The following CAMSAP1 variants were observed in gnomAD, a reference collection of about 807,000 sequenced individuals.
CAMSAP1 encodes calmodulin-regulated spectrin-associated protein 1.
In CAMSAP1, 58 loss-of-function variants were observed where a neutral mutation model predicts 143.5. The ratio of observed to expected loss-of-function variants is 0.40; its 90% CI spans 0.33 to 0.50. The LOEUF is 0.50. CAMSAP1 is among the 20% of genes least tolerant of loss of function. CAMSAP1 has a pLI of 0.45. For missense variants in CAMSAP1, 1,969 were observed against 2,115.7 expected, an observed-to-expected ratio of 0.93 and a Z score of 1.36; for synonymous variants, 945 against 859.3, an observed-to-expected ratio of 1.10 and a Z score of -1.74.
chr9:135,824,910 C>T lies in CAMSAP1; in HGVS notation c.1224-30G>A. ...ATGGAAAAAGAATTACAGGGAAAAT[C>T]ATTCCTTTATCAAACTTCAAGGTCA... On this transcript the variant is annotated intron_variant, in intron 8 of 16. Transcript: ENST00000389532. This position sits in a 1 kb window ranked among gnomAD's most constrained non-coding sequence, Gnocchi z 4.1. The T allele has an allele frequency of 6.5e-7, 1 of 1,527,440 alleles. No individual in the cohort carries two copies. The highest frequency in any genetic ancestry group is 8.9e-7 in the Non-Finnish European group (1 of 1,123,878). 94.6% of individuals were successfully genotyped at this position (1,527,440 alleles called of 1,614,324 possible). A position where few individuals can be genotyped will look rare whatever the true frequency, so the allele number is the denominator to read the frequency against.
rs535765126 is a variant in CAMSAP1 at position 135,818,208 on chromosome 9, C to T, written c.4169-129G>A. On this transcript the variant is annotated intron_variant, in intron 13 of 16. Transcript: ENST00000389532. This position sits in a 1 kb window ranked among gnomAD's most constrained non-coding sequence, Gnocchi z 7.7. ...CACAGGCCGCGTCCCCACCCCATCC[C>T]GGGGAGCCGGGCTGCGCCTGGATGT... The T allele has an allele frequency of 2.1e-5, 24 of 1,165,700 alleles. No homozygotes were observed. The African/African-American group carries it at 3.4e-4, about 16-fold the overall frequency. 72.2% of individuals were successfully genotyped at this position (1,165,700 alleles called of 1,614,324 possible).
Position 135,850,378 on chromosome 9 carries a change from T to G in CAMSAP1, c.892A>C (p.Asn298His). The part of the protein sequence containing the change: ...LLREFSNEYL[N>H]KCFYLTLEDM... The stretch of plus-strand genomic sequence containing the variant: ...TCCAAGGTGAGATAAAAACATTTAT[T>G]AAGATATTCATTGGAGAATTCTCTC... Residue 298 changes from asparagine (N) to histidine (H), a missense_variant, in exon 6 of 17, where the codon AAT (asparagine) becomes CAT (histidine). This residue lies in a region of CAMSAP1 where 221 missense variants were observed against 298.2 expected (regional missense o/e 0.74). Coordinates refer to ENST00000389532, the MANE Select transcript of CAMSAP1 (RefSeq NM_015447.4). The G allele has an allele frequency of 3.1e-6, 5 of 1,611,374 alleles. No individual in the cohort carries two copies. Among genetic ancestry groups the G allele is most frequent in the Non-Finnish European group, 4.2e-6 (5 of 1,179,176 alleles).
Position 135,822,931 on chromosome 9 carries a change from T to C in CAMSAP1, c.1730A>G (p.Gln577Arg). The C allele has an allele frequency of 6.2e-7, 1 of 1,613,878 alleles. No individual in the cohort carries two copies. The highest frequency in any genetic ancestry group is 8.5e-7 in the Non-Finnish European group (1 of 1,179,860). ...LGLTANARSP[Q>R]GQLDTSESKP... ...ACTTTCCGAGGTGTCCAGCTGTCCT[T>C]GGGGAGACCGGGCATTTGCTGTAAG... is the stretch of plus-strand genomic sequence containing the variant. Residue 577 changes from glutamine (Q) to arginine (R), a missense_variant, in exon 11 of 17, where the codon CAA becomes CGA. Physicochemically the swap from Gln to Arg is conservative, Grantham distance 43. Transcript: ENST00000389532. This position sits in a 1 kb window ranked among gnomAD's most constrained non-coding sequence, Gnocchi z 6.1.
Position 135,881,638 on chromosome 9 carries a change from T to G in CAMSAP1, c.580A>C (p.Asn194His). 1 of 1,551,732 alleles carries G rather than the reference T, an allele frequency of 6.4e-7. No individual in the cohort carries two copies. Among genetic ancestry groups the G allele is most frequent in the Non-Finnish European group, 8.7e-7 (1 of 1,146,996 alleles). Residue 194 changes from asparagine (N) to histidine (H), a missense_variant, in exon 3 of 17, where the codon AAC becomes CAC. Asn to His is a moderately conservative substitution (Grantham distance 68). Transcript: ENST00000389532. Reference protein sequence around the residue: ...DLEDAMVFWINKVNLKMREIT... With the variant: ...DLEDAMVFWIHKVNLKMREIT... ...CATCTAGGCAGGGCACTCACCTTGT[T>G]GATCCAGAACACCATGGCATCCTCG...
chr9:135,862,566 A>T lies in CAMSAP1; in HGVS notation c.709T>A (p.Tyr237Asn). Residue 237 changes from tyrosine (Y) to asparagine (N), a missense_variant, in exon 5 of 17, where the codon TAC (tyrosine) becomes AAC (asparagine). Physicochemically the swap from Tyr to Asn is moderately radical, Grantham distance 143 (BLOSUM62 -2). Coordinates refer to ENST00000389532, the MANE Select transcript of CAMSAP1 (RefSeq NM_015447.4). ...REHLSARQSP[Y>N]FPLLEDLMRD... ...ATCAAATCCTCCAACAACGGGAAGT[A>T]GGGTGACTGCCTAGCAGAAAGGTGC... 6.4e-7 allele frequency: 1 copy of T among 1,551,760 alleles called. No homozygotes were observed. Among genetic ancestry groups the T allele is most frequent in the Middle Eastern group, 1.7e-4 (1 of 5,992 alleles).
chr9:135,876,001 A>G lies in CAMSAP1; in HGVS notation c.585+5632T>C, dbSNP rs533574196. Among the ~76,000 whole-genome samples, 23 of 152,260 alleles carry G rather than the reference A, an allele frequency of 1.5e-4. No homozygotes were observed. In the South Asian group the frequency reaches 4.6e-3, roughly 30 times the overall value. ...GAAACAGTCTTGCTCTGTCACCCAG[A>G]CTAGAGTGCAGTGGCATGATCTCAG... On this transcript the variant is annotated intron_variant, in intron 3 of 16. Transcript: ENST00000389532.
At chr9:135,886,715 T>A (rs2130995617) in intron 1 of CAMSAP1, among the ~76,000 whole-genome samples, 1 of 152,008 alleles carries the variant, frequency 6.6e-6, no homozygotes, top group South Asian at 2.1e-4. Context: ...CTGCTGGAGC[T>A]CCCCGTAAAC....
At position 135,821,653 on chromosome 9, in the gene CAMSAP1, G is replaced by A. The variant is rs891237284; in HGVS notation, c.3008C>T (p.Ser1003Phe). 3.1e-6 allele frequency: 5 copies of A among 1,613,900 alleles called. No homozygotes were observed. The Middle Eastern group carries it at 6.6e-4, about 212-fold the overall frequency. ...AACAGTGTCCTCCAGGAGGGCAGCG[G>A]AGATCACCTTATTTCTCTCCAGCTC... is the stretch of plus-strand genomic sequence containing the variant. Reference protein sequence around the residue: ...LHELERNKVISAALLEDTVGE... With the variant: ...LHELERNKVIFAALLEDTVGE... The change falls in exon 11 of 17, where the codon TCC becomes TTC. Residue 1003 changes from serine (S) to phenylalanine (F), a missense_variant. Coordinates refer to ENST00000389532, the MANE Select transcript of CAMSAP1 (RefSeq NM_015447.4). This position sits in a 1 kb window ranked among gnomAD's most constrained non-coding sequence, Gnocchi z 4.6.
rs548172591 is a variant in CAMSAP1, at chr9:135,907,525, G to C, written c.-366C>G. On this transcript the variant is annotated 5_prime_UTR_variant, in exon 1 of 17. Transcript: ENST00000389532. The stretch of plus-strand genomic sequence containing the variant: ...GGCGGCGACAGCGGCTGAGGCGGTG[G>C]CCAAGGAGCGGGAGCGCGCTCACCG... Among the ~76,000 whole-genome samples the C allele has an allele frequency of 1.3e-5, 2 of 149,172 alleles. No homozygotes were observed. The highest frequency in any genetic ancestry group is 4.9e-5 in the African/African-American group (2 of 41,052).
chr9:135,844,598 C>T (rs1024035386), intron 7 of CAMSAP1, among the ~76,000 whole-genome samples: 9 of 151,652 alleles, frequency 5.9e-5, no homozygotes, highest in African/African-American at 1.5e-4. Context: ...TTTTTTGAAA[C>T]GATTAACAAA....
chr9:135,881,735 G>A lies in CAMSAP1; in HGVS notation c.483C>T (p.Ser161=), dbSNP rs183541543. The change falls in exon 3 of 17, where the codon AGC becomes AGT. Residue 161 remains serine (S), a synonymous_variant. Coordinates refer to ENST00000389532, the MANE Select transcript of CAMSAP1 (RefSeq NM_015447.4). ...TGACACTGGCCACCACCTTCTCGAT[G>A]CTGATCATCTCCACAGTGTAGGCCA... ...LMMAYTVEMI[S]IEKVVASVKR... 4 of 1,551,896 alleles carry A rather than the reference G, an allele frequency of 2.6e-6. No homozygotes were observed. Among genetic ancestry groups the A allele is most frequent in the Admixed American group, 2.0e-5 (1 of 51,006 alleles).
chr9:135,875,988 C>T (rs529513564), intron 3 of CAMSAP1, among the ~76,000 whole-genome samples: 20 of 152,338 alleles, frequency 1.3e-4, no homozygotes, highest in African/African-American at 4.6e-4. Flanking sequence ...AACAGTCTTG[C>T]TCTGTCACCC....
intron 1 of CAMSAP1, among the ~76,000 whole-genome samples, chr9:135,906,177 T>C (rs1838771986): frequency 6.6e-6 from 1 of 152,242 alleles, no homozygotes; most frequent in African/African-American, 2.4e-5. Context: ...ACTGGTCAAC[T>C]GAACTCTTCT....
At chr9:135,888,936 G>A (rs540269927) in intron 1 of CAMSAP1, among the ~76,000 whole-genome samples, 6 of 152,352 alleles carry the variant, frequency 3.9e-5, no homozygotes, top group East Asian at 3.9e-4. Context: ...CCCACAGGGC[G>A]CTGGCCCGGG....
chr9:135,831,359 T>C (rs544948316), intron 7 of CAMSAP1, among the ~76,000 whole-genome samples: 1 of 151,324 alleles, frequency 6.6e-6, no homozygotes, highest in African/African-American at 2.4e-5. Flanking sequence ...TGGGGCCAGA[T>C]GTGGTGGCGC....
intron 4 of CAMSAP1, among the ~76,000 whole-genome samples, chr9:135,863,874 G>C (rs1326308670): frequency 2.0e-5 from 3 of 152,116 alleles, no homozygotes; most frequent in South Asian, 2.1e-4. Flanking sequence ...AGACACGTGA[G>C]GGGGGAACAC....
At chr9:135,862,756 C>T (rs187144624) in intron 4 of CAMSAP1, 148 bp from the exon 5 acceptor site, 21 of 873,076 alleles carry the variant, frequency 2.4e-5, no homozygotes, top group East Asian at 2.4e-4. Flanking sequence ...GAGTTAGAAA[C>T]GTCTGGATTA....
At chr9:135,906,893 G>T (rs1838798643) in intron 1 of CAMSAP1, 107 bp downstream of exon 1, 3 of 661,740 alleles carry the variant, frequency 4.5e-6, no homozygotes, top group Non-Finnish European at 5.6e-6. Flanking sequence ...GTGCGGACGC[G>T]GCACAAAGGC....
In CAMSAP1 at chr9:135,822,176, C is replaced by T. The variant is rs766943373; in HGVS notation, c.2485G>A (p.Glu829Lys). 19 of 1,613,864 alleles carry T rather than the reference C, an allele frequency of 1.2e-5. No homozygotes were observed. Among genetic ancestry groups the T allele is most frequent in the Non-Finnish European group, 1.6e-5 (19 of 1,179,908 alleles). ...GAGCTGCTGGTGCTGGACTTGGTCTCACAGCTGTTGAGTCTCTGGAGCTTC... is the reference window on the plus strand; with the variant it reads ...GAGCTGCTGGTGCTGGACTTGGTCTTACAGCTGTTGAGTCTCTGGAGCTTC... ...ERKLQRLNSC[E>K]TKSSTSSSQK... Residue 829 changes from glutamate to lysine, a missense_variant, in exon 11 of 17, where the codon GAG becomes AAG. Glu to Lys is a moderately conservative substitution (Grantham distance 56, BLOSUM62 1). This residue lies in a region of CAMSAP1 where 1,390 missense variants were observed against 1,420.8 expected (regional missense o/e 0.98). Transcript: ENST00000389532. This position sits in a 1 kb window ranked among gnomAD's most constrained non-coding sequence, Gnocchi z 6.1.
Sources: gnomAD v4.1 joint callset for allele counts (sites outside exome capture counted in the v4.1 genomes callset) on GRCh38, gnomAD v4.1.1 for gene constraint, gnomAD v4.1.1 regional missense constraint, Gnocchi (gnomAD v3.1) non-coding constraint, MANE v1.5 for transcripts, NCBI Gene and HGNC (gene_info 2026-07-23, HGNC 2026-07-21) for gene names.